Variants in NAV2 observed in about 807,000 individuals in gnomAD.
The protein encoded by NAV2 is neuron navigator 2, also known as helicase, APC down-regulated 1.
NAV2 carries 54 observed loss-of-function variants against 223.2 expected under a neutral mutation model. The ratio of observed to expected loss-of-function variants is 0.24; its 90% CI spans 0.19 to 0.30. NAV2 has a LOEUF of 0.30. Ranked by LOEUF, NAV2 falls within the 10% of genes least tolerant of loss-of-function variation. The pLI is 1.00. For missense variants in NAV2, 2,806 were observed against 3,147.5 expected, an observed-to-expected ratio of 0.89 and a Z score of 2.60; for synonymous variants, 1,279 against 1,239.3, an observed-to-expected ratio of 1.03 and a Z score of -0.67.
At chr11:19,898,692 G>C (rs747665170) in intron 6 of NAV2, among the ~76,000 whole-genome samples, 1 of 152,066 alleles carries the variant, frequency 6.6e-6, no homozygotes, top group Admixed American at 6.5e-5. Flanking sequence ...TGTAATTGCT[G>C]TATCAAAGGG....
intron 20 of NAV2, among the ~76,000 whole-genome samples, chr11:20,066,731 GC>G (rs2059065795): frequency 6.6e-6 from 1 of 152,216 alleles, no homozygotes; most frequent in South Asian, 2.1e-4. Flanking sequence ...AGGGTCAGAT[GC>G]TGATTTTTAA....
chr11:20,028,217 T>C (rs1177004100), intron 11 of NAV2, among the ~76,000 whole-genome samples: 1 of 152,190 alleles, frequency 6.6e-6, no homozygotes, highest in African/African-American at 2.4e-5. Context: ...GCAAATCGCT[T>C]GTCTTGGGGT....
rs1344184136 is a variant in NAV2, at chr11:19,761,915, GC to G, written c.267+47956del. Among the ~76,000 whole-genome samples the G allele has an allele frequency of 6.6e-5, 10 of 152,098 alleles. No homozygotes were observed. In the South Asian group the frequency reaches 8.3e-4, roughly 13 times the overall value. ...TCCTTCCCCTGGTCTACTGAACCTT[GC>G]CCATTCTTCACACTGTAGTCAGAAT... On this transcript the variant is annotated intron_variant, in intron 1 of 37. Coordinates refer to ENST00000349880, the MANE Select transcript of NAV2 (RefSeq NM_145117.5).
chr11:19,741,612 G>A (rs963143252), intron 1 of NAV2, among the ~76,000 whole-genome samples: 1 of 146,358 alleles, frequency 6.8e-6, no homozygotes, highest in Admixed American at 6.8e-5. Flanking sequence ...CCATGTTGAT[G>A]CAAATGGCAT....
chr11:19,671,322 C>T (rs928850075), intron 1 of NAV2, among the ~76,000 whole-genome samples: 1 of 152,200 alleles, frequency 6.6e-6, no homozygotes, highest in African/African-American at 2.4e-5. Context: ...CTTAGGTTAT[C>T]GGCTTCTTTA....
chr11:20,055,689 C>G, intron 18 of NAV2, 80 bp from the exon 19 acceptor site: 2 of 1,259,752 alleles, frequency 1.6e-6, no homozygotes, highest in Non-Finnish European at 2.2e-6. Flanking sequence ...TAAAAATAAG[C>G]AGTCTTCTCT....
chr11:19,631,058 A>G (rs573057192), intron 1 of NAV2, among the ~76,000 whole-genome samples: 1 of 149,822 alleles, frequency 6.7e-6, no homozygotes, highest in South Asian at 2.1e-4. Flanking sequence ...AAATGGCCTG[A>G]ATTGCCCCTT....
intron 11 of NAV2, among the ~76,000 whole-genome samples, chr11:19,986,246 G>A (rs1437398832): frequency 6.6e-6 from 1 of 152,210 alleles, no homozygotes; most frequent in African/African-American, 2.4e-5. Context: ...TTTTAGTTCA[G>A]CCTGTATGGT....
At chr11:19,696,825 A>C (rs1391832871) in intron 1 of NAV2, among the ~76,000 whole-genome samples, 1 of 152,220 alleles carries the variant, frequency 6.6e-6, no homozygotes, top group Non-Finnish European at 1.5e-5. Context: ...AGTTTGATTC[A>C]GTGGTTCCTA....
At chr11:20,096,525 T>C (rs1327666331) in intron 30 of NAV2, among the ~76,000 whole-genome samples, 1 of 152,162 alleles carries the variant, frequency 6.6e-6, no homozygotes, top group African/African-American at 2.4e-5. Context: ...CATTTAAAGG[T>C]GAAGAAAGTG....
chr11:19,444,753 T>C (rs1054366570), intron 1 of NAV2, among the ~76,000 whole-genome samples: 3 of 151,472 alleles, frequency 2.0e-5, no homozygotes, highest in African/African-American at 7.3e-5. Flanking sequence ...TTACTAATTA[T>C]TATAAAATAT....
chr11:20,062,449 C>A, intron 20 of NAV2, 90 bp downstream of exon 20: 1 of 969,938 alleles, frequency 1.0e-6, no homozygotes, highest in Non-Finnish European at 1.6e-6. Flanking sequence ...TGCATTTATC[C>A]TAGGGAAAGC....
intron 1 of NAV2, among the ~76,000 whole-genome samples, chr11:19,581,859 T>C (rs551939150): frequency 6.6e-6 from 1 of 152,372 alleles, no homozygotes; most frequent in African/African-American, 2.4e-5. Context: ...GCATGTTTTA[T>C]AATCCTTTGG....
chr11:19,375,360 G>A (rs932038675), intron 1 of NAV2, among the ~76,000 whole-genome samples: 1 of 152,154 alleles, frequency 6.6e-6, no homozygotes, highest in Non-Finnish European at 1.5e-5. Flanking sequence ...GGCACAGGCC[G>A]GGAAACAAGA....
At position 20,005,238 on chromosome 11, in the gene NAV2, C is replaced by CATATATATATAATATATATATA. The variant is rs1293698285; in HGVS notation, c.2768+21002_2768+21003insATATATATATAATATATATATA. ...CCAAGTGATTCTGCTGAGTTTTAAT[C>CATATATATATAATATATATATA]ATATATATATATATATTTTTTTTTT... On this transcript the variant is annotated intron_variant, in intron 11 of 37. Transcript: ENST00000349880. Among the ~76,000 whole-genome samples the CATATATATATAATATATATATA allele has an allele frequency of 5.2e-3, 420 of 80,852 alleles. 1 individual carries two copies. Among genetic ancestry groups the CATATATATATAATATATATATA allele is most frequent in the African/African-American group, 0.012 (404 of 32,866 alleles). 53.0% of individuals were successfully genotyped at this position (80,852 alleles called of 152,430 possible). A position where few individuals can be genotyped will look rare whatever the true frequency, so the allele number is the denominator to read the frequency against.
chr11:19,552,128 G>A (rs1012807508), intron 1 of NAV2, among the ~76,000 whole-genome samples: 1 of 152,162 alleles, frequency 6.6e-6, no homozygotes, highest in South Asian at 2.1e-4. Context: ...AGCAAGACTG[G>A]TCAGTTTGGG....
intron 6 of NAV2, among the ~76,000 whole-genome samples, chr11:19,913,279 C>T (rs2043475890): frequency 6.6e-6 from 1 of 152,160 alleles, no homozygotes; most frequent in African/African-American, 2.4e-5. Flanking sequence ...AATCAAAGGA[C>T]CTCCCTCTTC....
At chr11:19,939,275 G>A (rs890430661) in intron 7 of NAV2, among the ~76,000 whole-genome samples, 8 of 152,090 alleles carry the variant, frequency 5.3e-5, no homozygotes, top group African/African-American at 1.7e-4. Flanking sequence ...TCATCTTTAT[G>A]TTTGACTTGT....
intron 12 of NAV2, chr11:20,043,746 C>T (rs1363740663): frequency 1.7e-5 from 8 of 471,832 alleles, no homozygotes; most frequent in East Asian, 1.1e-4. Flanking sequence ...CCAGCCATCT[C>T]GTTCCATTCC....
Sources: gnomAD v4.1 joint callset for allele counts (sites outside exome capture counted in the v4.1 genomes callset) on GRCh38, gnomAD v4.1.1 for gene constraint, MANE v1.5 for transcripts, NCBI Gene and HGNC (gene_info 2026-07-23, HGNC 2026-07-21) for gene names.